CRISP2: variants seen among roughly 807,000 people sequenced by gnomAD.
The protein encoded by CRISP2 is cysteine rich secretory protein 2.
A neutral mutation model predicts 31.7 loss-of-function variants in CRISP2; 29 were observed. The ratio of observed to expected loss-of-function variants is 0.92; its 90% CI spans 0.68 to 1.25. The LOEUF is 1.25. CRISP2 is among the 50% of genes most tolerant of loss of function. The pLI, the probability that CRISP2 is intolerant of heterozygous loss-of-function variation, is 0.00. For synonymous variants in CRISP2, 111 were observed against 101.4 expected, an observed-to-expected ratio of 1.09 and a Z score of -0.57; for missense variants, 318 against 286.5, an observed-to-expected ratio of 1.11 and a Z score of -0.79.
At chr6:49,706,378 T>TA (rs1489878757) in intron 4 of CRISP2, among the ~76,000 whole-genome samples, 1 of 152,052 alleles carries the variant, frequency 6.6e-6, no homozygotes. Context: ...TTTGTAAAAC[T>TA]AAAAAAAATT....
intron 8 of CRISP2, chr6:49,697,607 T>C (rs1764983874): frequency 1.1e-6 from 1 of 869,618 alleles, no homozygotes; most frequent in East Asian, 4.3e-5. Flanking sequence ...AACCCTAAGC[T>C]GAGGGAAGGC....
the CRISP2 span, among the ~76,000 whole-genome samples, chr6:49,681,628 A>G: frequency 2.6e-4 from 40 of 152,326 alleles, no homozygotes; most frequent in African/African-American, 9.6e-4. Flanking sequence ...TTTAAAAATT[A>G]TATTTTACTG....
intron 4 of CRISP2, among the ~76,000 whole-genome samples, chr6:49,701,847 T>C (rs1165468616): frequency 1.1e-5 from 1 of 87,400 alleles, no homozygotes; most frequent in Non-Finnish European, 2.2e-5. Context: ...ATAATATATA[T>C]TATATAATAT....
At chr6:49,703,568 G>GT (rs1452213062) in intron 4 of CRISP2, among the ~76,000 whole-genome samples, 4 of 151,952 alleles carry the variant, frequency 2.6e-5, no homozygotes, top group Admixed American at 6.6e-5. Context: ...GTATTTTATT[G>GT]TTTTTTCAGC....
At position 49,695,880 on chromosome 6, in the gene CRISP2, G is replaced by A. The variant is rs776791280; in HGVS notation, c.560C>T (p.Thr187Ile). ...GTCATCAGGGCAACCGGCACAAGGTGTTCCTTGTTGGTACGGGGTATTCTT... is the reference window on the plus strand; with the variant it reads ...GTCATCAGGGCAACCGGCACAAGGTATTCCTTGTTGGTACGGGGTATTCTT... Reference protein sequence around the residue: ...NRKNTPYQQGTPCAGCPDDCD... With the variant: ...NRKNTPYQQGIPCAGCPDDCD... The change falls in exon 9 of 10, where the codon ACA becomes ATA. Residue 187 changes from threonine to isoleucine, a missense_variant. Coordinates refer to ENST00000339139, the MANE Select transcript of CRISP2 (RefSeq NM_003296.4). The A allele has an allele frequency of 4.3e-6, 7 of 1,613,008 alleles. No individual in the cohort carries two copies. In the East Asian group the frequency reaches 1.1e-4, roughly 26 times the overall value.
Position 49,692,915 on chromosome 6 carries a change from G to T in CRISP2, c.605-15C>A. ...GCAACTATTGGCTGTAACAAAAACA[G>T]ATTAGTTAACTCATTATCGTTTTCC... On this transcript the variant is annotated splice_polypyrimidine_tract_variant and intron_variant, in intron 9 of 9. Coordinates refer to ENST00000339139, the MANE Select transcript of CRISP2 (RefSeq NM_003296.4). 6.2e-7 allele frequency: 1 copy of T among 1,612,162 alleles called. No homozygotes were observed. The highest frequency in any genetic ancestry group is 8.5e-7 in the Non-Finnish European group (1 of 1,178,588).
At chr6:49,705,547 A>G (rs753422831) in intron 4 of CRISP2, among the ~76,000 whole-genome samples, 1 of 152,146 alleles carries the variant, frequency 6.6e-6, no homozygotes, top group Non-Finnish European at 1.5e-5. Context: ...AGATCTGCCC[A>G]GAAAAATTTG....
chr6:49,690,042 C>A (rs755853335), downstream of CRISP2, among the ~76,000 whole-genome samples: 1 of 152,084 alleles, frequency 6.6e-6, no homozygotes, highest in Non-Finnish European at 1.5e-5. Context: ...AGAGAACTTG[C>A]ATTTGGAACA....
chr6:49,707,671 T>C (rs1390767939), intron 4 of CRISP2, among the ~76,000 whole-genome samples: 2 of 152,200 alleles, frequency 1.3e-5, no homozygotes, highest in African/African-American at 2.4e-5. Flanking sequence ...ACAATGACTA[T>C]ATTTCTGAAT....
intron 6 of CRISP2, among the ~76,000 whole-genome samples, chr6:49,698,988 AC>A (rs1198741946): frequency 6.6e-6 from 1 of 152,136 alleles, no homozygotes; most frequent in Non-Finnish European, 1.5e-5. Context: ...GAAAACTGAC[AC>A]CAGGAAGGAT....
At chr6:49,710,214 A>G (rs1226097483) in intron 3 of CRISP2, among the ~76,000 whole-genome samples, 5 of 152,166 alleles carry the variant, frequency 3.3e-5, no homozygotes, top group Non-Finnish European at 7.4e-5. Context: ...TTTATGCTCA[A>G]TTATGTGCAA....
chr6:49,697,762 A>T (rs767819118), intron 8 of CRISP2, 98 bp downstream of exon 8: 1 of 1,595,926 alleles, frequency 6.3e-7, no homozygotes, highest in East Asian at 2.3e-5. Flanking sequence ...CCTCCCTTTT[A>T]TTGAGATATG....
downstream of CRISP2, among the ~76,000 whole-genome samples, chr6:49,691,944 T>G (rs1469131399): frequency 6.6e-6 from 1 of 152,124 alleles, no homozygotes; most frequent in African/African-American, 2.4e-5. Context: ...AAAAAAAGTT[T>G]TAGTATATGT....
At chr6:49,705,905 G>A (rs372413961) in intron 4 of CRISP2, among the ~76,000 whole-genome samples, 11 of 152,132 alleles carry the variant, frequency 7.2e-5, no homozygotes, top group South Asian at 4.2e-4. Flanking sequence ...AGTTTGTAGC[G>A]TCAAGCCACT....
At position 49,699,905 on chromosome 6, in the gene CRISP2, G is replaced by T. The variant is rs999123490; in HGVS notation, c.184-14C>A. ...TCTGCTCCATTCCTAAACGTCACAA[G>T]AAAACAAAATACACTTAATGATTCA... On this transcript the variant is annotated splice_polypyrimidine_tract_variant and intron_variant, in intron 5 of 9. Coordinates refer to ENST00000339139, the MANE Select transcript of CRISP2 (RefSeq NM_003296.4). 1.2e-6 allele frequency: 2 copies of T among 1,609,736 alleles called. No homozygotes were observed. Among genetic ancestry groups the T allele is most frequent in the African/African-American group, 2.7e-5 (2 of 74,742 alleles).
At chr6:49,702,270 C>A (rs1043045456) in intron 4 of CRISP2, among the ~76,000 whole-genome samples, 10 of 146,196 alleles carry the variant, frequency 6.8e-5, no homozygotes, top group African/African-American at 2.5e-4. Flanking sequence ...TATAAACATG[C>A]GTGTGCAAGT....
the CRISP2 span, among the ~76,000 whole-genome samples, chr6:49,678,035 A>G: frequency 1.3e-5 from 2 of 152,108 alleles, no homozygotes. Flanking sequence ...CTCAGAGTGA[A>G]GGGCCATGGA....
the CRISP2 span, among the ~76,000 whole-genome samples, chr6:49,686,536 TAA>T: frequency 6.6e-6 from 1 of 152,140 alleles, no homozygotes; most frequent in African/African-American, 2.4e-5. Context: ...AGGCGATCAT[TAA>T]AAAGTCAGGA....
At chr6:49,697,776 T>G in intron 8 of CRISP2, 84 bp downstream of exon 8, 2 of 1,603,200 alleles carry the variant, frequency 1.2e-6, no homozygotes, top group Non-Finnish European at 1.7e-6. Flanking sequence ...AGATATGTTT[T>G]CATTCTGGTT....
Sources: gnomAD v4.1 joint callset for allele counts (sites outside exome capture counted in the v4.1 genomes callset) on GRCh38, gnomAD v4.1.1 for gene constraint, MANE v1.5 for transcripts, NCBI Gene and HGNC (gene_info 2026-07-23, HGNC 2026-07-21) for gene names.